Variants in CLYBL observed in about 807,000 individuals in gnomAD.
The protein encoded by CLYBL is citramalyl-CoA lyase.
In CLYBL, 31 loss-of-function variants were observed where a neutral mutation model predicts 38.9. That is an observed-to-expected ratio of 0.80 (90% CI 0.60 to 1.08). The LOEUF (loss-of-function observed/expected upper bound fraction) is 1.08, where lower values mean the gene tolerates loss of function less well. Among genes scored for constraint, CLYBL ranks in the 50% least tolerant of loss-of-function variants. The pLI is 0.00. For missense variants in CLYBL, 434 were observed against 411.6 expected (o/e 1.05, Z -0.47); for synonymous variants, 171 against 158.6 (o/e 1.08, Z -0.59).
At chr13:99,631,119 C>T (rs893832645) in intron 1 of CLYBL, among the ~76,000 whole-genome samples, 1 of 152,028 alleles carries the variant, frequency 6.6e-6, no homozygotes, top group African/African-American at 2.4e-5. Context: ...CTCAGGAGTT[C>T]GAGACCAGCC....
chr13:99,774,339 G>A (rs1290223055), intron 2 of CLYBL, among the ~76,000 whole-genome samples: 1 of 152,096 alleles, frequency 6.6e-6, no homozygotes, highest in African/African-American at 2.4e-5. Flanking sequence ...GCTCAACTTT[G>A]TTTTCTATGT....
At chr13:99,837,097 C>G (rs549506363) in intron 2 of CLYBL, among the ~76,000 whole-genome samples, 1 of 152,004 alleles carries the variant, frequency 6.6e-6, no homozygotes, top group Non-Finnish European at 1.5e-5. Flanking sequence ...ATATCATTGT[C>G]TTCCTGCTCA....
At chr13:99,840,394 T>G (rs552945684) in intron 2 of CLYBL, among the ~76,000 whole-genome samples, 4 of 152,112 alleles carry the variant, frequency 2.6e-5, no homozygotes, top group Non-Finnish European at 5.9e-5. Context: ...GGAGGATCAC[T>G]GGGGGCCAAG....
At chr13:99,669,007 T>A (rs1193507984) in intron 1 of CLYBL, among the ~76,000 whole-genome samples, 2 of 105,882 alleles carry the variant, frequency 1.9e-5, no homozygotes, top group Non-Finnish European at 3.7e-5. Flanking sequence ...GGCCCTCAGC[T>A]TTTTTTTTTT....
chr13:99,894,946 G>A (rs906429803), downstream of CLYBL: 3 of 152,170 alleles, frequency 2.0e-5, no homozygotes, highest in African/African-American at 7.2e-5. Flanking sequence ...CCCGTCTGAT[G>A]TCCCAGTGTT....
At chr13:99,871,236 G>A (rs1424744469) in intron 7 of CLYBL, among the ~76,000 whole-genome samples, 174 bp downstream of exon 7, 1 of 152,138 alleles carries the variant, frequency 6.6e-6, no homozygotes, top group Non-Finnish European at 1.5e-5. Flanking sequence ...GATTTGCCCT[G>A]CCCATGTTCC....
chr13:99,650,254 C>T (rs1345225301), intron 1 of CLYBL, among the ~76,000 whole-genome samples: 2 of 148,570 alleles, frequency 1.3e-5, no homozygotes, highest in Non-Finnish European at 3.0e-5. Flanking sequence ...CAGAGCCAGA[C>T]TCCGTCTCAA....
At chr13:99,883,191 A>T (rs1331869135) in intron 7 of CLYBL, among the ~76,000 whole-genome samples, 1 of 152,178 alleles carries the variant, frequency 6.6e-6, no homozygotes, top group Non-Finnish European at 1.5e-5. Context: ...GACTGTCTTT[A>T]TGTGCTTTGT....
At chr13:99,855,749 T>C (rs777737919) in intron 2 of CLYBL, among the ~76,000 whole-genome samples, 7 of 151,958 alleles carry the variant, frequency 4.6e-5, no homozygotes, top group Non-Finnish European at 7.4e-5. Flanking sequence ...GCGTGTTTGC[T>C]AGCACAGTCA....
At chr13:99,747,046 C>T (rs1342547711) in intron 1 of CLYBL, among the ~76,000 whole-genome samples, 2 of 152,168 alleles carry the variant, frequency 1.3e-5, no homozygotes, top group Non-Finnish European at 1.5e-5. Flanking sequence ...AAAATCCCTC[C>T]AGTTTTCCGT....
At chr13:99,855,116 A>T (rs555142698) in intron 2 of CLYBL, among the ~76,000 whole-genome samples, 1 of 150,500 alleles carries the variant, frequency 6.6e-6, no homozygotes, top group Non-Finnish European at 1.5e-5. Context: ...GTAACTGTTG[A>T]TAAAGGCCTT....
chr13:99,664,452 A>C (rs1196457259), intron 1 of CLYBL, among the ~76,000 whole-genome samples: 1 of 152,206 alleles, frequency 6.6e-6, no homozygotes, highest in Non-Finnish European at 1.5e-5. Context: ...TGGAGAATGG[A>C]TGTTTTATTT....
chr13:99,643,648 G>T (rs943105270), intron 1 of CLYBL, among the ~76,000 whole-genome samples: 9 of 152,160 alleles, frequency 5.9e-5, no homozygotes, highest in Admixed American at 1.3e-4. Flanking sequence ...GGTGTTTTAT[G>T]TTGTGGGTCC....
intron 1 of CLYBL, among the ~76,000 whole-genome samples, chr13:99,738,568 C>G (rs531986914): frequency 6.6e-6 from 1 of 152,092 alleles, no homozygotes; most frequent in African/African-American, 2.4e-5. Flanking sequence ...AGTGCAGCCA[C>G]GGAAAAGGCC....
intron 2 of CLYBL, among the ~76,000 whole-genome samples, chr13:99,842,934 A>C (rs1357157178): frequency 6.6e-6 from 1 of 150,816 alleles, no homozygotes; most frequent in Non-Finnish European, 1.5e-5. Context: ...GGGGGAAAAA[A>C]AGGCATTTTT....
chr13:99,638,524 C>T (rs1255495699), intron 1 of CLYBL, among the ~76,000 whole-genome samples: 5 of 152,170 alleles, frequency 3.3e-5, no homozygotes, highest in Non-Finnish European at 5.9e-5. Flanking sequence ...TGCGGGATTT[C>T]GCAGTGATCA....
chr13:99,655,877 C>T (rs1275566073), intron 1 of CLYBL, among the ~76,000 whole-genome samples: 5 of 152,282 alleles, frequency 3.3e-5, no homozygotes, highest in African/African-American at 7.2e-5. Context: ...TTAATTATTT[C>T]CCCCCAGAAA....
At chr13:99,880,265 A>T (rs1403676138) in intron 7 of CLYBL, among the ~76,000 whole-genome samples, 1 of 151,724 alleles carries the variant, frequency 6.6e-6, no homozygotes, top group African/African-American at 2.4e-5. Context: ...GGGTTTCACC[A>T]TGTTGGCCAG....
intron 1 of CLYBL, among the ~76,000 whole-genome samples, chr13:99,740,638 T>G (rs1162074485): frequency 1.3e-5 from 2 of 152,202 alleles, no homozygotes; most frequent in Admixed American, 6.5e-5. Context: ...AGCTGGAAAG[T>G]CCACACGTAT....
Sources: gnomAD v4.1 joint callset for allele counts (sites outside exome capture counted in the v4.1 genomes callset) on GRCh38, gnomAD v4.1.1 for gene constraint, MANE v1.5 for transcripts, NCBI Gene and HGNC (gene_info 2026-07-23, HGNC 2026-07-21) for gene names.